DCN: variants seen among roughly 807,000 people sequenced by gnomAD.
DCN encodes the protein decorin.
DCN carries 17 observed loss-of-function variants against 36.5 expected under a neutral mutation model. That is an observed-to-expected ratio of 0.47 (90% CI 0.32 to 0.70). The LOEUF (loss-of-function observed/expected upper bound fraction) is 0.70, where lower values mean the gene tolerates loss of function less well. Ranked by LOEUF, DCN falls within the 30% of genes least tolerant of loss-of-function variation. The pLI, the probability that DCN is intolerant of heterozygous loss-of-function variation, is 0.04. For missense variants in DCN, 389 were observed against 430.1 expected (o/e 0.90, Z 0.84); for synonymous variants, 163 against 161.4 (o/e 1.01, Z -0.07).
At position 91,164,592 on chromosome 12, in the gene DCN, A is replaced by T. The variant is rs1278565237; in HGVS notation, c.324+13T>A. The T allele has an allele frequency of 1.4e-6, 2 of 1,466,440 alleles. No individual in the cohort carries two copies. Among genetic ancestry groups the T allele is most frequent in the East Asian group, 2.3e-5 (1 of 44,214 alleles). 90.8% of individuals were successfully genotyped at this position (1,466,440 alleles called of 1,614,324 possible). Reference sequence around the variant, plus strand: ...TCTTATCTTATTGTGAGTTAAAAAAAAATAGTTCTTACGTGAAGGTTCTTC... The same window carrying T: ...TCTTATCTTATTGTGAGTTAAAAAATAATAGTTCTTACGTGAAGGTTCTTC... On this transcript the variant is annotated intron_variant, in intron 3 of 7. Transcript: ENST00000052754.
chr12:91,180,995 A>G (rs1868372740), intron 1 of DCN: 3 of 152,182 alleles, frequency 2.0e-5, no homozygotes, highest in Admixed American at 2.0e-4. Context: ...GCTGAGAGAA[A>G]TAGTATTATA....
intron 2 of DCN, among the ~76,000 whole-genome samples, chr12:91,167,880 G>T (rs1461830107): frequency 6.6e-6 from 1 of 151,934 alleles, no homozygotes; most frequent in Non-Finnish European, 1.5e-5. Context: ...TTGCTCTGTC[G>T]CTCAGCCTGG....
chr12:91,172,582 G>A (rs1163607770), intron 2 of DCN: 2 of 463,178 alleles, frequency 4.3e-6, no homozygotes, highest in Non-Finnish European at 7.7e-6. Context: ...CAAACTCAAG[G>A]AATTTCTAAG....
At position 91,144,639 on chromosome 12, in the gene DCN, T is replaced by A. The variant is rs1235130430; in HGVS notation, c.*1419A>T. On this transcript the variant is annotated 3_prime_UTR_variant, in exon 8 of 8. Transcript: ENST00000052754. ...TTTCAGAAGAAGAAAAATAGTTTGA[T>A]TAAGCCTCCTTTATGCCAACCTGTC... is the stretch of plus-strand genomic sequence containing the variant. 3.3e-5 allele frequency: 5 copies of A among 152,198 alleles called. No homozygotes were observed. Among genetic ancestry groups the A allele is most frequent in the Non-Finnish European group, 5.9e-5 (4 of 68,034 alleles). The allele number at this position is 152,198 out of a possible 1,614,324, so 9.4% of individuals were successfully genotyped here.
chr12:91,162,640 C>T (rs571912812), intron 3 of DCN, among the ~76,000 whole-genome samples: 1 of 152,274 alleles, frequency 6.6e-6, no homozygotes, highest in Non-Finnish European at 1.5e-5. Context: ...CTATGACATT[C>T]ATTATACGAA....
rs1880938701 is a variant in DCN at position 91,145,308 on chromosome 12, A to C, written c.*750T>G. ...TAGCAGAGGGGTAAATTGAAACATC[A>C]GTTCTCTAGACCAGTCAGGAAATGT... On this transcript the variant is annotated 3_prime_UTR_variant, in exon 8 of 8. Transcript: ENST00000052754. 6.6e-6 allele frequency: 1 copy of C among 152,304 alleles called. No individual in the cohort carries two copies. Among genetic ancestry groups the C allele is most frequent in the Non-Finnish European group, 1.5e-5 (1 of 68,058 alleles). The allele number at this position is 152,304 out of a possible 1,614,324, so 9.4% of individuals were successfully genotyped here. A position where few individuals can be genotyped will look rare whatever the true frequency, so the allele number is the denominator to read the frequency against.
At position 91,143,475 on chromosome 12, in the gene DCN, G is replaced by A. The variant is rs1031251097; in HGVS notation, c.*2583C>T. 6 of 152,094 alleles carry A rather than the reference G, an allele frequency of 3.9e-5. No homozygotes were observed. The highest frequency in any genetic ancestry group is 9.7e-5 in the African/African-American group (4 of 41,400). The allele number at this position is 152,094 out of a possible 1,614,324, so 9.4% of individuals were successfully genotyped here. ...TTTGAAATGCAGAATCTCAGACCTCGATCCAGAACTGACACATAAGAATTT... is the reference window on the plus strand; with the variant it reads ...TTTGAAATGCAGAATCTCAGACCTCAATCCAGAACTGACACATAAGAATTT... On this transcript the variant is annotated 3_prime_UTR_variant, in exon 8 of 8. Coordinates refer to ENST00000052754, the MANE Select transcript of DCN (RefSeq NM_001920.5).
intron 3 of DCN, among the ~76,000 whole-genome samples, chr12:91,159,245 G>T (rs573101511): frequency 1.1e-4 from 16 of 152,108 alleles, no homozygotes; most frequent in African/African-American, 3.9e-4. Flanking sequence ...CATGGATTCC[G>T]CTACAAAAGG....
chr12:91,169,281 C>T (rs994446132), intron 2 of DCN, among the ~76,000 whole-genome samples: 1 of 138,918 alleles, frequency 7.2e-6, no homozygotes, highest in African/African-American at 2.7e-5. Context: ...CCCATCTACT[C>T]GGGAAGGAGG....
chr12:91,148,235 G>A (rs3138306), intron 7 of DCN, among the ~76,000 whole-genome samples: 1,706 of 151,670 alleles, frequency 0.011, 14 homozygotes, highest in Non-Finnish European at 0.02. Context: ...CACCACGCCC[G>A]GCTAATTTTT....
Position 91,160,232 on chromosome 12 carries a change from A to T in DCN, c.325-1723T>A, listed in dbSNP as rs577717736. On this transcript the variant is annotated intron_variant, in intron 3 of 7. Coordinates refer to ENST00000052754, the MANE Select transcript of DCN (RefSeq NM_001920.5). ...AGAGCCAGCTGAGTGGAGTGAGGTG[A>T]CATATATCATTACAAGACATCCAAA... Among the ~76,000 whole-genome samples the T allele has an allele frequency of 1.2e-4, 18 of 152,250 alleles. No homozygotes were observed. The South Asian group carries it at 3.7e-3, about 32-fold the overall frequency.
intron 1 of DCN, among the ~76,000 whole-genome samples, 185 bp from the exon 2 acceptor site, chr12:91,178,770 A>C (rs1883452070): frequency 6.6e-6 from 1 of 152,186 alleles, no homozygotes; most frequent in Admixed American, 6.5e-5. Context: ...TATCATTTGC[A>C]CAGCTATTTA....
chr12:91,144,049 T>C lies in DCN; in HGVS notation c.*2009A>G, dbSNP rs563930632. 1 of 152,118 alleles carries C rather than the reference T, an allele frequency of 6.6e-6. No individual in the cohort carries two copies. The highest frequency in any genetic ancestry group is 2.1e-4 in the South Asian group (1 of 4,824). The allele number at this position is 152,118 out of a possible 1,614,324, so 9.4% of individuals were successfully genotyped here. A position where few individuals can be genotyped will look rare whatever the true frequency, so the allele number is the denominator to read the frequency against. Reference sequence around the variant, plus strand: ...CCAAAATGGTCTTCCCCTCTTTAGATTTCTACTTATTTCTCACCACACTTG... The same window carrying C: ...CCAAAATGGTCTTCCCCTCTTTAGACTTCTACTTATTTCTCACCACACTTG... On this transcript the variant is annotated 3_prime_UTR_variant, in exon 8 of 8. Coordinates refer to ENST00000052754, the MANE Select transcript of DCN (RefSeq NM_001920.5).
Position 91,146,236 on chromosome 12 carries a change from T to C in DCN, c.902A>G (p.Asn301Ser). The change falls in exon 8 of 8, where the codon AAC (asparagine) becomes AGC (serine). Residue 301 changes from asparagine to serine, a missense_variant. Physicochemically the swap from Asn to Ser is conservative, Grantham distance 46. Transcript: ENST00000052754. ...HKYIQVVYLH[N>S]NNISVVGSSD... Reference sequence around the variant, plus strand: ...TGATCCAACTACAGAGATATTGTTGTTATGAAGGTAGACAACCTACAACAT... The same window carrying C: ...TGATCCAACTACAGAGATATTGTTGCTATGAAGGTAGACAACCTACAACAT... 1 of 1,608,458 alleles carries C rather than the reference T, an allele frequency of 6.2e-7. No individual in the cohort carries two copies. Among genetic ancestry groups the C allele is most frequent in the South Asian group, 1.1e-5 (1 of 90,772 alleles).
Position 91,142,747 on chromosome 12 carries a change from C to T in DCN, c.*3311G>A, listed in dbSNP as rs191722650. 1.3e-5 allele frequency: 2 copies of T among 152,290 alleles called. No homozygotes were observed. The highest frequency in any genetic ancestry group is 4.8e-5 in the African/African-American group (2 of 41,570). The allele number at this position is 152,290 out of a possible 1,614,324, so 9.4% of individuals were successfully genotyped here. On this transcript the variant is annotated 3_prime_UTR_variant, in exon 8 of 8. Transcript: ENST00000052754. ...GCTAGCATAAATGTACAACAGAGGC[C>T]TTTCCAACCAGGAGGGGTCAGAGAC...
At chr12:91,164,400 C>CAAAAAAAAAAAAA (rs5799980) in intron 3 of DCN, among the ~76,000 whole-genome samples, 3 of 78,908 alleles carry the variant, frequency 3.8e-5, no homozygotes, top group East Asian at 5.3e-4. Flanking sequence ...AAGCATAATT[C>CAAAAAAAAAAAAA]AAAAAAAAAA....
At chr12:91,166,844 G>A (rs1265528075) in intron 2 of DCN, among the ~76,000 whole-genome samples, 1 of 152,028 alleles carries the variant, frequency 6.6e-6, no homozygotes, top group African/African-American at 2.4e-5. Context: ...TCATTTCAAT[G>A]ATTAAAATTA....
At chr12:91,158,187 C>T in intron 4 of DCN, 109 bp downstream of exon 4, 1 of 750,620 alleles carries the variant, frequency 1.3e-6, no homozygotes, top group Non-Finnish European at 2.4e-6. Context: ...CACATAGGCT[C>T]CAGGCATGTA....
intron 1 of DCN, chr12:91,180,288 A>G (rs1453999988): frequency 7.9e-6 from 1 of 126,538 alleles, no homozygotes; most frequent in African/African-American, 3.9e-5. Flanking sequence ...ATATTAAAAA[A>G]AAGAAGAAAG....
Sources: gnomAD v4.1 joint callset for allele counts (sites outside exome capture counted in the v4.1 genomes callset) on GRCh38, gnomAD v4.1.1 for gene constraint, MANE v1.5 for transcripts, NCBI Gene and HGNC (gene_info 2026-07-23, HGNC 2026-07-21) for gene names.